Variants in TYR observed in about 807,000 individuals in gnomAD.
TYR encodes the protein tyrosinase, also known as LB24-AB.
In TYR, 58 loss-of-function variants were observed where a neutral mutation model predicts 51.5. The ratio of observed to expected loss-of-function variants is 1.13; its 90% CI spans 0.91 to 1.40. The LOEUF is 1.40. TYR is among the 40% of genes most tolerant of loss of function. The pLI is 0.00. For synonymous variants in TYR, 263 were observed against 235.2 expected, an observed-to-expected ratio of 1.12 and a Z score of -1.08; for missense variants, 732 against 647.4, an observed-to-expected ratio of 1.13 and a Z score of -1.42.
At chr11:89,243,451 C>T (rs1373752877) in intron 3 of TYR, among the ~76,000 whole-genome samples, 1 of 152,112 alleles carries the variant, frequency 6.6e-6, no homozygotes, top group Admixed American at 6.6e-5. Context: ...GGTCCTTACT[C>T]CAGTCTTTTG....
chr11:89,208,234 C>A (rs1391420581), intron 2 of TYR, among the ~76,000 whole-genome samples: 2 of 152,064 alleles, frequency 1.3e-5, no homozygotes, highest in Non-Finnish European at 2.9e-5. Flanking sequence ...CGCGCCATGG[C>A]ACTCCAGCCT....
At chr11:89,196,681 T>C (rs967165658) in intron 2 of TYR, among the ~76,000 whole-genome samples, 1 of 152,152 alleles carries the variant, frequency 6.6e-6, no homozygotes, top group African/African-American at 2.4e-5. Flanking sequence ...ACAAATGCAG[T>C]TTATGACTAT....
chr11:89,213,549 G>A (rs1252014794), intron 2 of TYR, among the ~76,000 whole-genome samples: 1 of 152,102 alleles, frequency 6.6e-6, no homozygotes, highest in East Asian at 1.9e-4. Flanking sequence ...TCCCCATCAG[G>A]CTACTACTGA....
Position 89,191,324 on chromosome 11 carries a change from T to G in TYR, c.942T>G (p.Ser314=). Residue 314 remains serine, a synonymous_variant, in exon 2 of 5, where the codon TCT becomes TCG. Transcript: ENST00000263321. Reference sequence around the variant, plus strand: ...AATCCAGAACCCCAAGGCTCCCCTCTTCAGCTGATGTAGAATTTTGCCTGA... The same window carrying G: ...AATCCAGAACCCCAAGGCTCCCCTCGTCAGCTGATGTAGAATTTTGCCTGA... ...HDKSRTPRLP[S]SADVEFCLSL... 1 of 1,613,782 alleles carries G rather than the reference T, an allele frequency of 6.2e-7. No homozygotes were observed. Among genetic ancestry groups the G allele is most frequent in the Non-Finnish European group, 8.5e-7 (1 of 1,179,788 alleles).
intron 4 of TYR, among the ~76,000 whole-genome samples, chr11:89,289,208 A>G (rs1323973582): frequency 6.6e-6 from 1 of 152,040 alleles, no homozygotes; most frequent in Non-Finnish European, 1.5e-5. Context: ...TTCTCCCCAT[A>G]CATTACAAAA....
intron 2 of TYR, among the ~76,000 whole-genome samples, chr11:89,209,235 C>T (rs900941941): frequency 6.6e-6 from 1 of 152,164 alleles, no homozygotes; most frequent in African/African-American, 2.4e-5. Flanking sequence ...CACTCTTGCC[C>T]AAATACTATG....
At chr11:89,242,125 A>G (rs1038098521) in intron 3 of TYR, among the ~76,000 whole-genome samples, 9 of 152,160 alleles carry the variant, frequency 5.9e-5, no homozygotes, top group African/African-American at 2.2e-4. Context: ...TTATTATTTC[A>G]GAGAAAGATG....
intron 3 of TYR, among the ~76,000 whole-genome samples, chr11:89,255,357 T>C (rs1000033772): frequency 3.3e-5 from 5 of 151,670 alleles, no homozygotes; most frequent in African/African-American, 9.7e-5. Context: ...TTTAAATCCA[T>C]TGTTTTTTCA....
chr11:89,293,390 G>T (rs1944870506), intron 4 of TYR, among the ~76,000 whole-genome samples: 1 of 150,566 alleles, frequency 6.6e-6, no homozygotes, highest in Non-Finnish European at 1.5e-5. Context: ...TGGTCCTTAG[G>T]ATAAACGCAA....
At chr11:89,246,960 A>T (rs1944274526) in intron 3 of TYR, among the ~76,000 whole-genome samples, 1 of 152,156 alleles carries the variant, frequency 6.6e-6, no homozygotes, top group African/African-American at 2.4e-5. Flanking sequence ...CTATTCTAGC[A>T]ATCAGATGGG....
intron 2 of TYR, among the ~76,000 whole-genome samples, chr11:89,198,770 T>TATATATATA (rs71052215): frequency 6.8e-6 from 1 of 146,602 alleles, no homozygotes; most frequent in African/African-American, 2.7e-5. Context: ...TATATATATA[T>TATATATATA]TTTTATACTT....
At chr11:89,211,584 G>T (rs551166876) in intron 2 of TYR, among the ~76,000 whole-genome samples, 2 of 152,274 alleles carry the variant, frequency 1.3e-5, no homozygotes, top group East Asian at 3.9e-4. Context: ...ATTGAACTCG[G>T]CTCTGGACCA....
intron 3 of TYR, among the ~76,000 whole-genome samples, chr11:89,268,423 C>T (rs1185024355): frequency 6.6e-6 from 1 of 151,822 alleles, no homozygotes; most frequent in African/African-American, 2.4e-5. Context: ...TCAGAAGCAT[C>T]ACTCTAGTGA....
chr11:89,231,484 T>C lies in TYR; in HGVS notation c.1184+3514T>C, dbSNP rs538269284. Among the ~76,000 whole-genome samples the C allele has an allele frequency of 4.3e-4, 61 of 142,792 alleles. 9 individuals are homozygous for C. Among genetic ancestry groups the C allele is most frequent in the African/African-American group, 1.6e-3 (58 of 36,022 alleles). 93.7% of individuals were successfully genotyped at this position (142,792 alleles called of 152,430 possible). Reference sequence around the variant, plus strand: ...CCATAAAAAAGGAAAACCCTCTCATTTGCAACAACACGGATGAACCTGGAG... The same window carrying C: ...CCATAAAAAAGGAAAACCCTCTCATCTGCAACAACACGGATGAACCTGGAG... On this transcript the variant is annotated intron_variant, in intron 3 of 4. Transcript: ENST00000263321.
intron 3 of TYR, among the ~76,000 whole-genome samples, chr11:89,266,742 A>C (rs773326471): frequency 3.6e-4 from 55 of 152,022 alleles, no homozygotes; most frequent in Non-Finnish European, 6.9e-4. Context: ...GTCTATAAGC[A>C]CCAAACTAAG....
chr11:89,260,954 A>T (rs904624084), intron 3 of TYR, among the ~76,000 whole-genome samples: 7 of 152,092 alleles, frequency 4.6e-5, no homozygotes, highest in Admixed American at 6.6e-5. Flanking sequence ...TGAACTGGGC[A>T]TGTGAGGGAT....
chr11:89,268,378 G>A (rs1425697567), intron 3 of TYR, among the ~76,000 whole-genome samples: 1 of 151,788 alleles, frequency 6.6e-6, no homozygotes, highest in South Asian at 2.1e-4. Flanking sequence ...AATTATTACT[G>A]AAGCAATCAG....
At chr11:89,183,919 G>C (rs563227369) in intron 1 of TYR, among the ~76,000 whole-genome samples, 50 of 152,146 alleles carry the variant, frequency 3.3e-4, no homozygotes, top group African/African-American at 1.1e-3. Flanking sequence ...ATACATGTTA[G>C]ATTATTTGAT....
At chr11:89,281,712 T>C (rs1944724163) in intron 3 of TYR, among the ~76,000 whole-genome samples, 1 of 151,782 alleles carries the variant, frequency 6.6e-6, no homozygotes, top group Non-Finnish European at 1.5e-5. Flanking sequence ...GTCTATTTTG[T>C]TCTTATTTTA....
Sources: gnomAD v4.1 joint callset for allele counts (sites outside exome capture counted in the v4.1 genomes callset) on GRCh38, gnomAD v4.1.1 for gene constraint, MANE v1.5 for transcripts, NCBI Gene and HGNC (gene_info 2026-07-23, HGNC 2026-07-21) for gene names.